The following FAM120A variants were observed in gnomAD, a reference collection of about 807,000 sequenced individuals.
The protein encoded by FAM120A is family with sequence similarity 120 member A.
Under a neutral mutation model 109.7 loss-of-function variants are expected in FAM120A, and 15 were observed. The observed-to-expected ratio is 0.14, with a 90% CI of 0.09 to 0.21. The LOEUF is 0.21. Ranked by LOEUF, FAM120A falls within the 10% of genes least tolerant of loss-of-function variation. The pLI is 1.00. For missense variants in FAM120A, 899 were observed against 1,439.3 expected (o/e 0.62, Z 6.07); for synonymous variants, 493 against 572.8 (o/e 0.86, Z 1.99).
At chr9:93,537,346 G>A (rs1861551355) in intron 10 of FAM120A, among the ~76,000 whole-genome samples, 1 of 152,206 alleles carries the variant, frequency 6.6e-6, no homozygotes, top group Non-Finnish European at 1.5e-5. Context: ...AGATTGTAGA[G>A]TAATAAGAAT....
At chr9:93,535,436 C>A (rs1299591139) in intron 10 of FAM120A, among the ~76,000 whole-genome samples, 1 of 152,188 alleles carries the variant, frequency 6.6e-6, no homozygotes, top group African/African-American at 2.4e-5. Context: ...TGCAGATGAC[C>A]TTTGCCTAGA....
chr9:93,453,502 C>G (rs1325628951), intron 1 of FAM120A: 2 of 985,328 alleles, frequency 2.0e-6, no homozygotes, highest in Non-Finnish European at 1.2e-6. Flanking sequence ...TTCCTTGAAA[C>G]TGCTGGAGCT....
chr9:93,524,269 T>G lies in FAM120A; in HGVS notation c.1419-2886T>G, dbSNP rs548468659. 5.9e-5 allele frequency among the ~76,000 whole-genome samples: 9 copies of G among 152,384 alleles called. No homozygotes were observed. In the South Asian group the frequency reaches 1.9e-3, roughly 32 times the overall value. On this transcript the variant is annotated intron_variant, in intron 7 of 17. Coordinates refer to ENST00000277165, the MANE Select transcript of FAM120A (RefSeq NM_014612.5). The stretch of plus-strand genomic sequence containing the variant: ...AAGTCAGTTTTTACTTAACGTTCTC[T>G]TTCTTTTCTCCTCCATAAAGGAAAA...
In FAM120A at chr9:93,558,131, C is replaced by T. The variant is rs1862356382; in HGVS notation, c.2668+121C>T. The T allele has an allele frequency of 1.1e-5, 12 of 1,056,490 alleles. No individual in the cohort carries two copies. In the South Asian group the frequency reaches 2.0e-4, roughly 17 times the overall value. The allele number at this position is 1,056,490 out of a possible 1,614,324, so 65.4% of individuals were successfully genotyped here. A position where few individuals can be genotyped will look rare whatever the true frequency, so the allele number is the denominator to read the frequency against. Reference sequence around the variant, plus strand: ...CTTGTCACTGTTGGTCTTGGAGATCCTGCAGCAGCAGTTCTTCAAGTCCGT... The same window carrying T: ...CTTGTCACTGTTGGTCTTGGAGATCTTGCAGCAGCAGTTCTTCAAGTCCGT... On this transcript the variant is annotated intron_variant, in intron 14 of 17. Coordinates refer to ENST00000277165, the MANE Select transcript of FAM120A (RefSeq NM_014612.5).
At chr9:93,562,015 T>C (rs918678435) in intron 16 of FAM120A, among the ~76,000 whole-genome samples, 193 bp from the exon 17 acceptor site, 18 of 152,324 alleles carry the variant, frequency 1.2e-4, no homozygotes, top group East Asian at 1.9e-4. Context: ...GCAAAGCATG[T>C]GGGAGTTCTT....
At chr9:93,557,310 A>G (rs1009545365) in intron 13 of FAM120A, among the ~76,000 whole-genome samples, 6 of 151,818 alleles carry the variant, frequency 4.0e-5, no homozygotes, top group African/African-American at 1.2e-4. Flanking sequence ...TTGTATTTTT[A>G]GTAGAGACGG....
chr9:93,528,684 T>C (rs1288185431), intron 8 of FAM120A, among the ~76,000 whole-genome samples: 1 of 152,238 alleles, frequency 6.6e-6, no homozygotes, highest in Non-Finnish European at 1.5e-5. Flanking sequence ...TCCATAGATC[T>C]GAGACATTGT....
chr9:93,540,814 A>G (rs1163545266), intron 10 of FAM120A, among the ~76,000 whole-genome samples: 1 of 152,210 alleles, frequency 6.6e-6, no homozygotes, highest in Non-Finnish European at 1.5e-5. Context: ...AGAGGCCTAA[A>G]GGTTTTGAAA....
intron 7 of FAM120A, among the ~76,000 whole-genome samples, chr9:93,521,075 G>A (rs1265253294): frequency 6.6e-6 from 1 of 152,156 alleles, no homozygotes; most frequent in East Asian, 1.9e-4. Flanking sequence ...AGAAGTTTTG[G>A]AAAATCTGTT....
At chr9:93,506,599 C>CT (rs900855502) in intron 5 of FAM120A, among the ~76,000 whole-genome samples, 53 of 143,602 alleles carry the variant, frequency 3.7e-4, no homozygotes, top group African/African-American at 6.9e-4. Context: ...TTTTTTTCTT[C>CT]TTTTTTTTTT....
chr9:93,486,265 A>T (rs1056813252), intron 3 of FAM120A, among the ~76,000 whole-genome samples: 3 of 148,870 alleles, frequency 2.0e-5, no homozygotes, highest in Non-Finnish European at 4.5e-5. Context: ...TGAGCCCCAC[A>T]CCCAGCCTAC....
chr9:93,466,407 C>T (rs1359237446), intron 1 of FAM120A, among the ~76,000 whole-genome samples: 1 of 152,054 alleles, frequency 6.6e-6, no homozygotes, highest in Non-Finnish European at 1.5e-5. Context: ...TGGGAGCTCT[C>T]TTGGGTTGGC....
intron 5 of FAM120A, among the ~76,000 whole-genome samples, chr9:93,514,090 C>T (rs1860460632): frequency 6.6e-6 from 1 of 152,144 alleles, no homozygotes; most frequent in African/African-American, 2.4e-5. Flanking sequence ...GGGGAGGCCT[C>T]AGGAAACTTA....
At chr9:93,514,339 G>C (rs1860470744) in intron 5 of FAM120A, among the ~76,000 whole-genome samples, 1 of 152,156 alleles carries the variant, frequency 6.6e-6, no homozygotes, top group Non-Finnish European at 1.5e-5. Flanking sequence ...ATTTGGGTGG[G>C]GATGTGCAGC....
chr9:93,554,843 A>G (rs1182929364), intron 12 of FAM120A, among the ~76,000 whole-genome samples: 1 of 152,158 alleles, frequency 6.6e-6, no homozygotes, highest in East Asian at 1.9e-4. Flanking sequence ...TAGGGCAGAG[A>G]GAGGGGCACG....
chr9:93,456,173 A>C (rs530458911), intron 1 of FAM120A, among the ~76,000 whole-genome samples: 2 of 152,192 alleles, frequency 1.3e-5, no homozygotes, highest in Admixed American at 6.5e-5. Flanking sequence ...GGCTTTAGCT[A>C]GTTACTTGGA....
chr9:93,518,277 GGTAT>G (rs1164932878), intron 7 of FAM120A, among the ~76,000 whole-genome samples: 1 of 152,082 alleles, frequency 6.6e-6, no homozygotes, highest in East Asian at 1.9e-4. Context: ...CAGGTGCAGG[GGTAT>G]GACGCGTGTG....
intron 1 of FAM120A, among the ~76,000 whole-genome samples, chr9:93,455,609 C>T (rs1410035260): frequency 6.6e-6 from 1 of 151,892 alleles, no homozygotes; most frequent in African/African-American, 2.4e-5. Flanking sequence ...TTGGTGCTTT[C>T]TAGTGTTTTG....
At chr9:93,497,706 G>T (rs1859633343) in intron 4 of FAM120A, 107 bp downstream of exon 4, 1 of 1,348,446 alleles carries the variant, frequency 7.4e-7, no homozygotes, top group African/African-American at 1.5e-5. Flanking sequence ...CAAGCTGACT[G>T]GATGGGTCTG....
Sources: gnomAD v4.1 joint callset for allele counts (sites outside exome capture counted in the v4.1 genomes callset) on GRCh38, gnomAD v4.1.1 for gene constraint, MANE v1.5 for transcripts, NCBI Gene and HGNC (gene_info 2026-07-23, HGNC 2026-07-21) for gene names.